Variants in DMD observed in about 807,000 individuals in gnomAD.
DMD encodes mutant dystrophin.
Under a neutral mutation model 330.1 loss-of-function variants are expected in DMD, and 63 were observed. The ratio of observed to expected loss-of-function variants is 0.19; its 90% CI spans 0.16 to 0.24. DMD has a LOEUF of 0.24. Among genes scored for constraint, DMD ranks in the 10% least tolerant of loss-of-function variants. The probability of loss-of-function intolerance (pLI) is 1.00; values close to 1 mark genes in which losing one functional copy is unlikely to be tolerated. For missense variants in DMD, 3,344 were observed against 2,684.1 expected, an observed-to-expected ratio of 1.25 and a Z score of -5.43; for synonymous variants, 1,223 against 959.8, an observed-to-expected ratio of 1.27 and a Z score of -5.07.
chrX:32,995,264 C>A (rs2147347922), intron 2 of DMD, among the ~76,000 whole-genome samples: 1 of 112,218 alleles, frequency 8.9e-6, no homozygotes, highest in South Asian at 3.7e-4. Flanking sequence ...TTTTTTCTTT[C>A]TTTTTAACTT....
At chrX:32,905,101 A>C (rs992960405) in intron 2 of DMD, among the ~76,000 whole-genome samples, 1 of 112,337 alleles carries the variant, frequency 8.9e-6, no homozygotes, top group Non-Finnish European at 1.9e-5. Flanking sequence ...ATAAATATGT[A>C]AAAAGTACTA....
At chrX:32,524,802 G>A (rs915360504) in intron 17 of DMD, among the ~76,000 whole-genome samples, 1 of 112,234 alleles carries the variant, frequency 8.9e-6, no homozygotes, top group Non-Finnish European at 1.9e-5. Flanking sequence ...TTTGGAAAGG[G>A]GTCACATACA....
intron 32 of DMD, among the ~76,000 whole-genome samples, chrX:32,387,872 C>T (rs1397767231): frequency 9.0e-6 from 1 of 110,890 alleles, no homozygotes; most frequent in Non-Finnish European, 1.9e-5. Flanking sequence ...AAGAAAGTTC[C>T]CTCAAGGTAC....
chrX:32,692,801 T>C (rs1489948713), intron 9 of DMD, among the ~76,000 whole-genome samples: 1 of 112,016 alleles, frequency 8.9e-6, no homozygotes, highest in Non-Finnish European at 1.9e-5. Context: ...AAAAATTTTC[T>C]CAGATCAGAC....
At chrX:32,256,260 G>A (rs188194248) in intron 43 of DMD, among the ~76,000 whole-genome samples, 1 of 109,157 alleles carries the variant, frequency 9.2e-6, no homozygotes, top group Non-Finnish European at 1.9e-5. Flanking sequence ...TGTCTTTCTT[G>A]ATCTTTGTTG....
At chrX:32,777,341 T>A (rs1400465235) in intron 7 of DMD, among the ~76,000 whole-genome samples, 1 of 94,191 alleles carries the variant, frequency 1.1e-5, no homozygotes, top group Non-Finnish European at 2.0e-5. Flanking sequence ...ACTAGGATAG[T>A]ACTTAATGTG....
chrX:31,762,006 A>G (rs2089632618), intron 51 of DMD, among the ~76,000 whole-genome samples: 1 of 112,226 alleles, frequency 8.9e-6, no homozygotes, highest in South Asian at 3.7e-4. Context: ...TCACATTTTG[A>G]ATTATGAAGA....
chrX:32,809,636 T>C (rs770071074), intron 6 of DMD, 25 bp from the exon 7 acceptor site: 2 of 1,109,444 alleles, frequency 1.8e-6, no homozygotes, highest in Non-Finnish European at 2.5e-6. Flanking sequence ...CATACACACA[T>C]ACACAAAGAC....
intron 50 of DMD, among the ~76,000 whole-genome samples, chrX:31,781,803 C>T (rs2091025373): frequency 9.0e-6 from 1 of 111,063 alleles, no homozygotes; most frequent in Non-Finnish European, 1.9e-5. Context: ...GGCCAGAGCT[C>T]CCTCCTAGAT....
At chrX:32,252,689 T>TATATATAA (rs2097271391) in intron 43 of DMD, among the ~76,000 whole-genome samples, 2 of 38,782 alleles carry the variant, frequency 5.2e-5, no homozygotes, top group Admixed American at 4.8e-4. Flanking sequence ...TATATAAATA[T>TATATATAA]ATATATAAAT....
At chrX:31,736,681 A>G (rs2646299) in intron 51 of DMD, among the ~76,000 whole-genome samples, 24,576 of 110,856 alleles carry the variant, frequency 0.22, 2,111 homozygotes, top group East Asian at 0.51. Context: ...AAATACTCAT[A>G]AACAATTATT....
intron 60 of DMD, among the ~76,000 whole-genome samples, chrX:31,362,020 T>C (rs2058966289): frequency 8.9e-6 from 1 of 112,234 alleles, no homozygotes; most frequent in South Asian, 3.7e-4. Flanking sequence ...CATTTCACGG[T>C]TGTTTGCAAA....
intron 11 of DMD, among the ~76,000 whole-genome samples, chrX:32,617,558 C>A (rs1432025668): frequency 9.0e-6 from 1 of 110,957 alleles, no homozygotes; most frequent in Admixed American, 9.6e-5. Context: ...ATACAAAAAC[C>A]AATTTGAAAT....
Position 33,306,749 on chromosome X carries a change from CA to C in DMD, c.7+32509del, listed in dbSNP as rs775529486. Among the ~76,000 whole-genome samples, 652 of 110,971 alleles carry C rather than the reference CA, an allele frequency of 5.9e-3. 9 individuals are homozygous for C. The highest frequency in any genetic ancestry group is 0.02 in the African/African-American group (619 of 30,522). On this transcript the variant is annotated intron_variant, in intron 1 of 17. Transcript: ENST00000288447. The stretch of plus-strand genomic sequence containing the variant: ...AAACAATCCAAAGTCTCAATTAGTA[CA>C]AAGCCATGGGGACCCAGACTCTGTC...
At chrX:32,783,282 C>T (rs1292223924) in intron 7 of DMD, among the ~76,000 whole-genome samples, 1 of 91,868 alleles carries the variant, frequency 1.1e-5, no homozygotes. Context: ...TATATATACA[C>T]CATATATACA....
chrX:32,162,541 C>T (rs765013442), intron 44 of DMD, among the ~76,000 whole-genome samples: 5 of 107,180 alleles, frequency 4.7e-5, no homozygotes, highest in Non-Finnish European at 9.6e-5. Context: ...AGTTTTTGTA[C>T]TGCCTTCCCA....
At chrX:31,863,206 G>T (rs1283017570) in intron 48 of DMD, among the ~76,000 whole-genome samples, 1 of 112,313 alleles carries the variant, frequency 8.9e-6, no homozygotes, top group Non-Finnish European at 1.9e-5. Flanking sequence ...AGCCGGGCGT[G>T]GTGGCGGGCG....
intron 7 of DMD, among the ~76,000 whole-genome samples, chrX:32,709,844 A>C (rs1290700133): frequency 9.0e-6 from 1 of 111,682 alleles, no homozygotes; most frequent in Non-Finnish European, 1.9e-5. Flanking sequence ...TAAGAATATA[A>C]AAACCACAAA....
At chrX:32,601,081 C>G (rs925581558) in intron 12 of DMD, among the ~76,000 whole-genome samples, 1 of 110,925 alleles carries the variant, frequency 9.0e-6, no homozygotes, top group African/African-American at 3.3e-5. Flanking sequence ...TGCCCCATTC[C>G]TTCTACCACC....
Sources: allele counts gnomAD v4.1 joint callset (sites outside exome capture counted in the v4.1 genomes callset), GRCh38; gene constraint gnomAD v4.1.1; transcripts MANE v1.5; gene names NCBI Gene and HGNC (gene_info 2026-07-23, HGNC 2026-07-21).